Variants in UBE2J2 observed in about 807,000 individuals in gnomAD.
The protein encoded by UBE2J2 is ubiquitin conjugating enzyme E2 J2, also known as ubiquitin-conjugating enzyme E2 J2.
In UBE2J2, 5 loss-of-function variants were observed where a neutral mutation model predicts 28.6. The ratio of observed to expected loss-of-function variants is 0.17; its 90% CI spans 0.09 to 0.37. The LOEUF (loss-of-function observed/expected upper bound fraction) is 0.37, where lower values mean the gene tolerates loss of function less well. UBE2J2 is among the 10% of genes least tolerant of loss of function. The pLI, the probability that UBE2J2 is intolerant of heterozygous loss-of-function variation, is 1.00. For missense variants in UBE2J2, 226 were observed against 338.9 expected (o/e 0.67, Z 2.62); for synonymous variants, 138 against 139.7 (o/e 0.99, Z 0.09).
intron 2 of UBE2J2, among the ~76,000 whole-genome samples, chr1:1,265,763 T>C (rs2101078275): frequency 6.6e-6 from 1 of 152,092 alleles, no homozygotes; most frequent in South Asian, 2.1e-4. Context: ...AAGTAGCAAG[T>C]AGCTGAGATT....
At chr1:1,271,742 A>T (rs1640153061) in intron 1 of UBE2J2, 1 of 152,212 alleles carries the variant, frequency 6.6e-6, no homozygotes, top group African/African-American at 2.4e-5. Flanking sequence ...TGGGAGGCCC[A>T]GGCAGGCAGA....
intron 3 of UBE2J2, among the ~76,000 whole-genome samples, chr1:1,261,834 G>T (rs1021951322): frequency 2.0e-5 from 3 of 150,312 alleles, no homozygotes; most frequent in African/African-American, 7.4e-5. Flanking sequence ...TTTTTTAGTA[G>T]AGACAAGGTT....
At chr1:1,260,470 G>A (rs1025704201) in intron 3 of UBE2J2, among the ~76,000 whole-genome samples, 4 of 151,750 alleles carry the variant, frequency 2.6e-5, no homozygotes, top group Admixed American at 6.6e-5. Context: ...GGAGACGGGC[G>A]CCCTGCTGCC....
In UBE2J2 at chr1:1,268,473, A is replaced by C. The variant is rs1286012033; in HGVS notation, c.1-481T>G. Among the ~76,000 whole-genome samples the C allele has an allele frequency of 6.6e-6, 1 of 151,932 alleles. No individual in the cohort carries two copies. Among genetic ancestry groups the C allele is most frequent in the Non-Finnish European group, 1.5e-5 (1 of 67,948 alleles). ...GGAAGCCCGCTGCCCAGCATTTACC[A>C]CTAGCCACAAGCAAAACGAGCCGCA... On this transcript the variant is annotated intron_variant, in intron 1 of 6. Transcript: ENST00000349431. This position sits in a 1 kb window ranked among gnomAD's most constrained non-coding sequence, Gnocchi z 4.7.
rs1157100771 is a variant in UBE2J2, at chr1:1,268,392, G to C, written c.1-400C>G. On this transcript the variant is annotated intron_variant, in intron 1 of 6. Coordinates refer to ENST00000349431, the MANE Select transcript of UBE2J2 (RefSeq NM_058167.3). The surrounding 1 kb of genome is among the most constrained non-coding windows in gnomAD (Gnocchi z 4.7). Reference sequence around the variant, plus strand: ...TCAGCTCAAGGACCCCGCACTGATGGAGAATCCACACCATAGAAGTGGGCA... The same window carrying C: ...TCAGCTCAAGGACCCCGCACTGATGCAGAATCCACACCATAGAAGTGGGCA... 6.6e-6 allele frequency among the ~76,000 whole-genome samples: 1 copy of C among 152,082 alleles called. No homozygotes were observed. The highest frequency in any genetic ancestry group is 1.5e-5 in the Non-Finnish European group (1 of 68,022).
intron 3 of UBE2J2, among the ~76,000 whole-genome samples, chr1:1,261,315 T>C (rs1022004885): frequency 9.9e-5 from 15 of 152,198 alleles, no homozygotes; most frequent in African/African-American, 3.6e-4. Flanking sequence ...GAGGCTTTCC[T>C]GAGACCCAGG....
chr1:1,258,680 G>T (rs550415327), intron 3 of UBE2J2, among the ~76,000 whole-genome samples: 1 of 152,136 alleles, frequency 6.6e-6, no homozygotes, highest in Non-Finnish European at 1.5e-5. Context: ...ACAGAAATCC[G>T]GCCACTTCCA....
chr1:1,259,054 C>T (rs554329788), intron 3 of UBE2J2, among the ~76,000 whole-genome samples: 98 of 148,184 alleles, frequency 6.6e-4, no homozygotes, highest in African/African-American at 2.4e-3. Flanking sequence ...TCAGGACGCA[C>T]GTGTGTGCAT....
chr1:1,262,558 G>T lies in UBE2J2; in HGVS notation c.172+788C>A, dbSNP rs565565288. Among the ~76,000 whole-genome samples, 4 of 152,298 alleles carry T rather than the reference G, an allele frequency of 2.6e-5. No homozygotes were observed. The South Asian group carries it at 8.3e-4, about 32-fold the overall frequency. The stretch of plus-strand genomic sequence containing the variant: ...CTCTTCTAGTGAAATCTCATCCAAA[G>T]CCTCCACACACAGGCAAACAGAGCC... On this transcript the variant is annotated intron_variant, in intron 3 of 6. Transcript: ENST00000349431.
chr1:1,260,777 C>T (rs769455451), intron 3 of UBE2J2, among the ~76,000 whole-genome samples: 1 of 152,232 alleles, frequency 6.6e-6, no homozygotes, highest in Non-Finnish European at 1.5e-5. Flanking sequence ...GTCTTGAAAC[C>T]ACAGACTCCA....
At chr1:1,272,283 G>A (rs1442565407) in intron 1 of UBE2J2, among the ~76,000 whole-genome samples, 1 of 152,116 alleles carries the variant, frequency 6.6e-6, no homozygotes, top group Non-Finnish European at 1.5e-5. Context: ...AAGAGTTGGC[G>A]ATTTTAAAAC....
At chr1:1,256,888 GAAAAAAAA>G (rs57305655) in intron 5 of UBE2J2, 96 bp downstream of exon 5, 23 of 513,856 alleles carry the variant, frequency 4.5e-5, no homozygotes, top group South Asian at 5.7e-5. Flanking sequence ...TCCGTCTCAA[GAAAAAAAA>G]AAAAAAAAAA....
At chr1:1,257,442 C>G (rs530961165) in intron 3 of UBE2J2, 132 bp from the exon 4 acceptor site, 29 of 580,114 alleles carry the variant, frequency 5.0e-5, no homozygotes, top group Middle Eastern at 9.1e-4. Context: ...TTGCACTCTC[C>G]GTCCCCAGCC....
intron 6 of UBE2J2, 36 bp downstream of exon 6, chr1:1,256,009 G>C: frequency 7.1e-7 from 1 of 1,414,468 alleles, no homozygotes; most frequent in Non-Finnish European, 1.0e-6. Context: ...GTGTTTTAAC[G>C]CAGGGGAAGG....
chr1:1,259,352 C>G (rs1639417720), intron 3 of UBE2J2, among the ~76,000 whole-genome samples: 1 of 152,004 alleles, frequency 6.6e-6, no homozygotes, highest in Non-Finnish European at 1.5e-5. Context: ...TGCGTGCCAT[C>G]AGGACACGTG....
intron 1 of UBE2J2, chr1:1,271,763 T>C (rs1027299841): frequency 1.3e-5 from 2 of 152,002 alleles, no homozygotes; most frequent in Non-Finnish European, 2.9e-5. Context: ...TTACCTGAGA[T>C]CGGGGGTTCG....
rs971697401 is a variant in UBE2J2, at chr1:1,254,628, A to T, written c.*575T>A. ...AACCCCCAAGCACTTTCTAGAAGGA[A>T]TGTGTTTCATTCTGACTGTAAACAC... On this transcript the variant is annotated 3_prime_UTR_variant, in exon 7 of 7. Coordinates refer to ENST00000349431, the MANE Select transcript of UBE2J2 (RefSeq NM_058167.3). The T allele has an allele frequency of 1.3e-5, 2 of 152,352 alleles. No homozygotes were observed. The highest frequency in any genetic ancestry group is 2.9e-5 in the Non-Finnish European group (2 of 68,134). The allele number at this position is 152,352 out of a possible 1,614,324, so 9.4% of individuals were successfully genotyped here. A position where few individuals can be genotyped will look rare whatever the true frequency, so the allele number is the denominator to read the frequency against.
At chr1:1,256,755 G>A (rs1271553307) in intron 5 of UBE2J2, among the ~76,000 whole-genome samples, 3 of 151,916 alleles carry the variant, frequency 2.0e-5, no homozygotes, top group East Asian at 1.9e-4. Context: ...GCGTGGTGGC[G>A]GGCGCCTGTA....
chr1:1,270,095 G>A (rs192425410), intron 1 of UBE2J2, among the ~76,000 whole-genome samples: 51 of 152,270 alleles, frequency 3.3e-4, no homozygotes, highest in African/African-American at 1.1e-3. Context: ...CTAGCCTGCT[G>A]CCATGTGAGA....
Sources: allele counts gnomAD v4.1 joint callset (sites outside exome capture counted in the v4.1 genomes callset), GRCh38; gene constraint gnomAD v4.1.1; non-coding constraint Gnocchi (gnomAD v3.1); transcripts MANE v1.5; gene names NCBI Gene and HGNC (gene_info 2026-07-23, HGNC 2026-07-21).